The following LDLRAD3 variants were observed in gnomAD, a reference collection of about 807,000 sequenced individuals.
LDLRAD3 encodes the protein low-density lipoprotein receptor class A domain-containing protein 3.
Under a neutral mutation model 29.4 loss-of-function variants are expected in LDLRAD3, and 20 were observed. That is an observed-to-expected ratio of 0.68 (90% CI 0.48 to 0.99). The LOEUF (loss-of-function observed/expected upper bound fraction) is 0.99, where lower values mean the gene tolerates loss of function less well. Ranked by LOEUF, LDLRAD3 falls within the 50% of genes least tolerant of loss-of-function variation. The pLI, the probability that LDLRAD3 is intolerant of heterozygous loss-of-function variation, is 0.00. For synonymous variants in LDLRAD3, 157 were observed against 192.7 expected (o/e 0.81, Z 1.53); for missense variants, 420 against 454.3 (o/e 0.92, Z 0.69).
chr11:35,965,916 A>G lies in LDLRAD3; in HGVS notation c.46+21772A>G, dbSNP rs1193169502. The stretch of plus-strand genomic sequence containing the variant: ...CAATTTATCAAATACCTTTATGACC[A>G]ACATTATTTTATAGCAGATCCTGAC... On this transcript the variant is annotated intron_variant, in intron 1 of 5. Transcript: ENST00000315571. Among the ~76,000 whole-genome samples the G allele has an allele frequency of 5.9e-5, 9 of 152,334 alleles. No homozygotes were observed. In the East Asian group the frequency reaches 1.5e-3, roughly 26 times the overall value.
intron 2 of LDLRAD3, among the ~76,000 whole-genome samples, chr11:36,043,104 G>T (rs1852403768): frequency 6.6e-6 from 1 of 152,220 alleles, no homozygotes; most frequent in Non-Finnish European, 1.5e-5. Flanking sequence ...TTGAGCCCAA[G>T]AATTTGAGAC....
chr11:35,951,190 A>G (rs1851130278), intron 1 of LDLRAD3, among the ~76,000 whole-genome samples: 1 of 152,174 alleles, frequency 6.6e-6, no homozygotes, highest in Admixed American at 6.6e-5. Flanking sequence ...ATCCTCCTTC[A>G]TCTTCCTTTC....
intron 2 of LDLRAD3, among the ~76,000 whole-genome samples, chr11:36,053,752 G>A (rs1852563935): frequency 6.6e-6 from 1 of 152,154 alleles, no homozygotes; most frequent in African/African-American, 2.4e-5. Context: ...TCTCTTCAGT[G>A]CCCTTGACAC....
At chr11:36,083,735 TACACACACACACACACAC>T (rs59333454) in intron 3 of LDLRAD3, among the ~76,000 whole-genome samples, 22 of 126,898 alleles carry the variant, frequency 1.7e-4, no homozygotes, top group Admixed American at 8.0e-4. Flanking sequence ...AGGGAGAAAT[TACACACACACACACACAC>T]ACACACACAC....
intron 1 of LDLRAD3, among the ~76,000 whole-genome samples, chr11:35,956,995 A>G (rs1565122989): frequency 6.6e-6 from 1 of 152,200 alleles, no homozygotes; most frequent in Non-Finnish European, 1.5e-5. Context: ...TCGGCCTCCC[A>G]AAGTGCTGGG....
At chr11:36,165,565 C>T (rs1854501512) in intron 4 of LDLRAD3, among the ~76,000 whole-genome samples, 1 of 152,108 alleles carries the variant, frequency 6.6e-6, no homozygotes, top group Non-Finnish European at 1.5e-5. Context: ...CATTCTTGCA[C>T]TGCTAGGCAA....
At chr11:36,052,182 T>A (rs1442743683) in intron 2 of LDLRAD3, among the ~76,000 whole-genome samples, 1 of 152,230 alleles carries the variant, frequency 6.6e-6, no homozygotes, top group Non-Finnish European at 1.5e-5. Context: ...TTCTGCTAAG[T>A]CCAGGCAGAT....
intron 4 of LDLRAD3, among the ~76,000 whole-genome samples, chr11:36,158,009 T>C (rs1377219514): frequency 6.6e-6 from 1 of 152,188 alleles, no homozygotes. Context: ...ATCACAAATA[T>C]ACAGATAGGA....
intron 4 of LDLRAD3, among the ~76,000 whole-genome samples, chr11:36,131,243 G>A (rs1007061215): frequency 2.6e-5 from 4 of 152,174 alleles, no homozygotes; most frequent in Admixed American, 2.0e-4. Flanking sequence ...GCCTTTCCAC[G>A]CAAATGAATT....
chr11:35,965,520 TGTG>T (rs1358582289), intron 1 of LDLRAD3, among the ~76,000 whole-genome samples: 1 of 152,110 alleles, frequency 6.6e-6, no homozygotes, highest in Admixed American at 6.5e-5. Context: ...TTTTCAGGTA[TGTG>T]GGTATTTAGG....
intron 4 of LDLRAD3, among the ~76,000 whole-genome samples, chr11:36,150,131 A>G (rs889280541): frequency 6.6e-6 from 1 of 152,158 alleles, no homozygotes; most frequent in African/African-American, 2.4e-5. Context: ...CTAGGGAAGA[A>G]CAATGTTGCC....
intron 4 of LDLRAD3, among the ~76,000 whole-genome samples, chr11:36,112,747 A>G (rs1003404335): frequency 6.6e-6 from 1 of 152,220 alleles, no homozygotes; most frequent in Non-Finnish European, 1.5e-5. Context: ...CAGAATTCAT[A>G]GTAGAGAGTG....
At chr11:36,217,815 G>T (rs1446787358) in intron 4 of LDLRAD3, among the ~76,000 whole-genome samples, 1 of 152,164 alleles carries the variant, frequency 6.6e-6, no homozygotes, top group Non-Finnish European at 1.5e-5. Context: ...TCCAGTTTCT[G>T]CCTTCAACTT....
rs1425906069 is a variant in LDLRAD3, at chr11:35,965,918, C to CTGTTTT, written c.46+21774_46+21775insTGTTTT. ...ATTTATCAAATACCTTTATGACCAA[C>CTGTTTT]ATTATTTTATAGCAGATCCTGACTG... On this transcript the variant is annotated intron_variant, in intron 1 of 5. Coordinates refer to ENST00000315571, the MANE Select transcript of LDLRAD3 (RefSeq NM_174902.4). Among the ~76,000 whole-genome samples, 9 of 152,280 alleles carry CTGTTTT rather than the reference C, an allele frequency of 5.9e-5. No homozygotes were observed. In the East Asian group the frequency reaches 1.5e-3, roughly 26 times the overall value.
intron 3 of LDLRAD3, among the ~76,000 whole-genome samples, chr11:36,097,428 C>T (rs1853376645): frequency 6.6e-6 from 1 of 152,180 alleles, no homozygotes; most frequent in South Asian, 2.1e-4. Context: ...CTCCATGTGT[C>T]CCTTATGCTA....
At chr11:35,993,814 G>T (rs1431769435) in intron 1 of LDLRAD3, among the ~76,000 whole-genome samples, 1 of 152,160 alleles carries the variant, frequency 6.6e-6, no homozygotes, top group Non-Finnish European at 1.5e-5. Flanking sequence ...TCCAGTGTCT[G>T]TGAGAGGCCA....
At chr11:35,947,602 G>A (rs1362545105) in intron 1 of LDLRAD3, among the ~76,000 whole-genome samples, 1 of 152,088 alleles carries the variant, frequency 6.6e-6, no homozygotes, top group Admixed American at 6.5e-5. Context: ...TCTCCTGTGT[G>A]TGAGATGCTT....
At chr11:36,031,784 T>C (rs1399969941) in intron 1 of LDLRAD3, among the ~76,000 whole-genome samples, 3 of 152,156 alleles carry the variant, frequency 2.0e-5, no homozygotes, top group Admixed American at 1.3e-4. Flanking sequence ...ATGAATGAGG[T>C]TAGCCAAGTG....
intron 4 of LDLRAD3, among the ~76,000 whole-genome samples, chr11:36,211,439 C>T (rs531785475): frequency 7.9e-4 from 120 of 152,230 alleles, no homozygotes; most frequent in Non-Finnish European, 1.2e-3. Flanking sequence ...TTTCCTAAAA[C>T]GAGCTTTGTA....
Sources: gnomAD v4.1 joint callset for allele counts (sites outside exome capture counted in the v4.1 genomes callset) on GRCh38, gnomAD v4.1.1 for gene constraint, MANE v1.5 for transcripts, NCBI Gene and HGNC (gene_info 2026-07-23, HGNC 2026-07-21) for gene names.